The following GSTA5 variants were observed in gnomAD, a reference collection of about 807,000 sequenced individuals.
The protein encoded by GSTA5 is glutathione S-transferase alpha 5, also known as glutathione S-transferase A5.
In GSTA5, 25 loss-of-function variants were observed where a neutral mutation model predicts 21.8. The observed-to-expected ratio is 1.14, with a 90% CI of 0.83 to 1.60. The LOEUF (loss-of-function observed/expected upper bound fraction) is 1.60, where lower values mean the gene tolerates loss of function less well. GSTA5 is among the 40% of genes most tolerant of loss of function. The probability of loss-of-function intolerance (pLI) is 0.00; values close to 1 mark genes in which losing one functional copy is unlikely to be tolerated. For synonymous variants in GSTA5, 102 were observed against 89.5 expected, an observed-to-expected ratio of 1.14 and a Z score of -0.78; for missense variants, 330 against 259.2, an observed-to-expected ratio of 1.27 and a Z score of -1.88.
At chr6:52,843,073 A>G (rs1456861227), upstream of GSTA5, among the ~76,000 whole-genome samples, 1 of 152,206 alleles carries the variant, frequency 6.6e-6, no homozygotes, top group Non-Finnish European at 1.5e-5. Flanking sequence ...CCTGCAAAGG[A>G]CATGAACTCA....
At chr6:52,835,776 G>C (rs1259802961) in intron 3 of GSTA5, among the ~76,000 whole-genome samples, 1 of 152,130 alleles carries the variant, frequency 6.6e-6, no homozygotes, top group Non-Finnish European at 1.5e-5. Flanking sequence ...CCATATAATT[G>C]GTTGGTAATT....
chr6:52,836,826 T>A (rs555121593), intron 2 of GSTA5, among the ~76,000 whole-genome samples: 1 of 152,258 alleles, frequency 6.6e-6, no homozygotes, highest in African/African-American at 2.4e-5. Context: ...CAACATTTTT[T>A]AAAAGTTTCC....
chr6:52,843,286 C>A (rs1581819722), upstream of GSTA5, among the ~76,000 whole-genome samples: 1 of 152,260 alleles, frequency 6.6e-6, no homozygotes, highest in South Asian at 2.1e-4. Context: ...ATTGCTGGGT[C>A]AAATAGTATT....
chr6:52,836,149 A>T (rs1211204392), intron 3 of GSTA5, 87 bp downstream of exon 3: 2 of 1,447,496 alleles, frequency 1.4e-6, no homozygotes, highest in African/African-American at 2.8e-5. Context: ...GCTGGTCATG[A>T]TGCCCTGCCA....
the GSTA5 span, chr6:52,846,141 T>A: frequency 1.8e-5 from 3 of 166,550 alleles, no homozygotes; most frequent in African/African-American, 7.2e-5. Flanking sequence ...TTCCTTTCAA[T>A]AGTTCCCTCC....
At chr6:52,844,029 G>A (rs1764420537), upstream of GSTA5, among the ~76,000 whole-genome samples, 1 of 4,570 alleles carries the variant, frequency 2.2e-4, no homozygotes, top group South Asian at 0.17. Flanking sequence ...ATTTGCCATG[G>A]GTCACACACA....
chr6:52,836,749 T>A (rs1469533810), intron 2 of GSTA5, among the ~76,000 whole-genome samples: 1 of 152,208 alleles, frequency 6.6e-6, no homozygotes, highest in Non-Finnish European at 1.5e-5. Context: ...TGACCTCAAA[T>A]GATCCACCCG....
chr6:52,843,844 T>C (rs184008031), upstream of GSTA5, among the ~76,000 whole-genome samples: 2 of 152,332 alleles, frequency 1.3e-5, no homozygotes, highest in Admixed American at 1.3e-4. Flanking sequence ...TTGAGAATCA[T>C]GTTTCAAAAG....
chr6:52,841,201 C>G (rs532071385), upstream of GSTA5, among the ~76,000 whole-genome samples: 2 of 152,210 alleles, frequency 1.3e-5, no homozygotes, highest in Admixed American at 1.3e-4. Context: ...ATATCTTTAA[C>G]CCTCCTTATA....
intron 2 of GSTA5, among the ~76,000 whole-genome samples, chr6:52,836,824 T>C (rs1346037051): frequency 6.6e-6 from 1 of 152,246 alleles, no homozygotes; most frequent in Admixed American, 6.5e-5. Flanking sequence ...AACAACATTT[T>C]TTAAAAGTTT....
At chr6:52,832,517 C>A (rs888206903) in intron 5 of GSTA5, among the ~76,000 whole-genome samples, 10 of 151,970 alleles carry the variant, frequency 6.6e-5, no homozygotes, top group Non-Finnish European at 2.9e-5. Flanking sequence ...CAATTCAATG[C>A]GGGAAGACAA....
At chr6:52,845,219 A>G (rs1349923065), upstream of GSTA5, among the ~76,000 whole-genome samples, 2 of 152,122 alleles carry the variant, frequency 1.3e-5, no homozygotes, top group Non-Finnish European at 2.9e-5. Context: ...TGAATGTCCA[A>G]GCAGTGGGGC....
At chr6:52,836,336 C>T (rs751990996) in exon 3 of GSTA5, 14 of 1,613,504 alleles carry the variant, frequency 8.7e-6, no homozygotes, top group Non-Finnish European at 9.3e-6. Context: ...TCAATCTCAA[C>T]CATTGGTACT....
chr6:52,834,256 A>G (rs1442392135), exon 4 of GSTA5: 7 of 1,613,832 alleles, frequency 4.3e-6, no homozygotes, highest in African/African-American at 2.7e-5. Flanking sequence ...AGTCAAATCT[A>G]CTATACCTTC....
At chr6:52,837,723 G>A (rs976437829) in intron 1 of GSTA5, 114 bp from the exon 2 acceptor site, 82 of 743,936 alleles carry the variant, frequency 1.1e-4, no homozygotes, top group African/African-American at 8.1e-4. Context: ...TCTGAGTTTC[G>A]CAGGATATAC....
chr6:52,838,839 A>C (rs1400631753), intron 1 of GSTA5, among the ~76,000 whole-genome samples: 2 of 152,210 alleles, frequency 1.3e-5, no homozygotes, highest in Admixed American at 1.3e-4. Flanking sequence ...AATCTGCAAA[A>C]TGGGAATATA....
rs867541477 is a variant in GSTA5, at chr6:52,834,796, T to A, written c.273-514A>T. The stretch of plus-strand genomic sequence containing the variant: ...GCTCCCAGGGCTCCTGTGCCCCATA[T>A]TAGCAGTTCTTCCAATTACACCCAT... On this transcript the variant is annotated intron_variant, in intron 3 of 5. Coordinates refer to ENST00000370989, the Ensembl canonical transcript of GSTA5. Among the ~76,000 whole-genome samples the A allele has an allele frequency of 4.6e-5, 7 of 152,296 alleles. 1 individual carries two copies. In the Middle Eastern group the frequency reaches 0.01, roughly 222 times the overall value.
chr6:52,837,393 C>T lies in GSTA5; in HGVS notation c.139+165G>A, dbSNP rs111603151. 6.7e-4 allele frequency among the ~76,000 whole-genome samples: 102 copies of T among 152,262 alleles called. 1 individual carries two copies. The highest frequency in any genetic ancestry group is 2.3e-3 in the African/African-American group (97 of 41,528). On this transcript the variant is annotated intron_variant, in intron 2 of 5. Transcript: ENST00000370989. ...GGTCCTTTTAGCTTGGAGAGAGTTG[C>T]CAGACCTGATCAAGGAGCCACATCC... is the stretch of plus-strand genomic sequence containing the variant.
chr6:52,832,042 G>C lies in GSTA5; in HGVS notation c.547-72C>G. On this transcript the variant is annotated intron_variant, in intron 5 of 5. Coordinates refer to ENST00000370989, the Ensembl canonical transcript of GSTA5. ...CCATCATTAAGATGACCCAGGGAAT[G>C]TGAGCCCCTCATGCCAAAGACCAAG... The C allele has an allele frequency of 4.5e-6, 7 of 1,550,542 alleles. No homozygotes were observed. In the South Asian group the frequency reaches 9.0e-5, roughly 20 times the overall value.
Sources: gnomAD v4.1 joint callset for allele counts (sites outside exome capture counted in the v4.1 genomes callset) on GRCh38, gnomAD v4.1.1 for gene constraint, MANE v1.5 for transcripts, NCBI Gene and HGNC (gene_info 2026-07-23, HGNC 2026-07-21) for gene names.